The following DNAH8 variants were observed in gnomAD, a reference collection of about 807,000 sequenced individuals.
The protein encoded by DNAH8 is dynein axonemal heavy chain 8.
Under a neutral mutation model 562.1 loss-of-function variants are expected in DNAH8, and 382 were observed. The observed-to-expected ratio is 0.68, with a 90% CI of 0.63 to 0.74. DNAH8 has a LOEUF of 0.74. DNAH8 is among the 30% of genes least tolerant of loss of function. The probability of loss-of-function intolerance (pLI) is 0.00; values close to 1 mark genes in which losing one functional copy is unlikely to be tolerated. For synonymous variants in DNAH8, 1,881 were observed against 1,919.4 expected (o/e 0.98, Z 0.52); for missense variants, 5,203 against 5,620.4 (o/e 0.93, Z 2.37).
intron 33 of DNAH8, among the ~76,000 whole-genome samples, chr6:38,841,455 CT>C (rs1209434664): frequency 6.6e-6 from 1 of 152,070 alleles, no homozygotes; most frequent in Admixed American, 6.6e-5. Context: ...GATAGAACGA[CT>C]TTTACTTCAT....
rs182305102 is a variant in DNAH8 at position 38,843,185 on chromosome 6, T to A, written c.4845+282T>A. Among the ~76,000 whole-genome samples the A allele has an allele frequency of 1.1e-4, 17 of 152,274 alleles. 1 individual carries two copies. The highest frequency in any genetic ancestry group is 3.9e-4 in the Admixed American group (6 of 15,298). On this transcript the variant is annotated intron_variant, in intron 35 of 92. Transcript: ENST00000327475. ...AGAATGCACTTCCACTTAAAAAAAA[T>A]TTGTTTATTTATGTATTGTGTTCTT...
At chr6:39,027,384 G>T (rs1415543494) in intron 92 of DNAH8, among the ~76,000 whole-genome samples, 1 of 152,250 alleles carries the variant, frequency 6.6e-6, no homozygotes, top group Admixed American at 6.5e-5. Context: ...AGTTCCAGGG[G>T]TGTCCCCTTT....
chr6:38,907,977 G>C lies in DNAH8; in HGVS notation c.9370G>C (p.Asp3124His). Residue 3124 changes from aspartate (D) to histidine (H), a missense_variant, in exon 64 of 93, where the codon GAT becomes CAT. Physicochemically the swap from Asp to His is moderately conservative, Grantham distance 81. Transcript: ENST00000327475. ...SGEISNLFAR[D>H]EMDEITQGLI... The stretch of plus-strand genomic sequence containing the variant: ...AAAGATCTCCAACTTGTTTGCACGA[G>C]ATGAGATGGATGAAATCACCCAAGG... The C allele has an allele frequency of 6.2e-7, 1 of 1,607,124 alleles. No individual in the cohort carries two copies. The highest frequency in any genetic ancestry group is 8.5e-7 in the Non-Finnish European group (1 of 1,177,598).
intron 13 of DNAH8, 65 bp downstream of exon 13, chr6:38,776,016 T>A: frequency 6.1e-6 from 6 of 988,522 alleles, no homozygotes; most frequent in Non-Finnish European, 9.4e-6. Context: ...TATCTGGTAC[T>A]TTTTGTAAAT....
Position 38,937,958 on chromosome 6 carries a change from C to T in DNAH8, c.11564-16C>T, listed in dbSNP as rs1176152314. 6.2e-7 allele frequency: 1 copy of T among 1,611,996 alleles called. No homozygotes were observed. The highest frequency in any genetic ancestry group is 1.7e-5 in the Admixed American group (1 of 59,922). On this transcript the variant is annotated splice_polypyrimidine_tract_variant and intron_variant, in intron 77 of 92. Transcript: ENST00000327475. ...TCCCGTCTTGTGTACTACGGTTTTC[C>T]TGTTTTGAATTTCAGGCTCATTGGT...
rs1361202447 is a variant in DNAH8 at position 38,866,786 on chromosome 6, A to C, written c.6603A>C (p.Lys2201Asn). The C allele has an allele frequency of 6.2e-7, 1 of 1,612,638 alleles. No homozygotes were observed. ...ATTTTCAGATCATTATGAGAGTTAA[A>C]CTTGCAAGCTGTGGTTTTCTTGAAA... ...VPDRQIIMRV[K>N]LASCGFLENV... The change falls in exon 47 of 93, where the codon AAA (lysine) becomes AAC (asparagine). Residue 2201 changes from lysine (K) to asparagine (N), a missense_variant. By Grantham distance (94) the Lys-to-Asn change is moderately conservative (BLOSUM62 0). Coordinates refer to ENST00000327475, the MANE Select transcript of DNAH8 (RefSeq NM_001206927.2).
Position 38,814,093 on chromosome 6 carries a change from T to G in DNAH8, c.3297T>G (p.Phe1099Leu). Residue 1099 changes from phenylalanine to leucine, a missense_variant, in exon 25 of 93, where the codon TTT becomes TTG. Around this residue, in one of 6 missense-constraint regions of DNAH8, gnomAD observed 2,176 missense variants for 2,365.1 expected, o/e 0.92. Coordinates refer to ENST00000327475, the MANE Select transcript of DNAH8 (RefSeq NM_001206927.2). The stretch of plus-strand genomic sequence containing the variant: ...AGCAGTCAGAAGATATTATTTCCTT[T>G]ATAAAAAGTGAAGTACATCTTGCAA... ...GRKQSEDIIS[F>L]IKSEVHLAIP... is the part of the protein sequence containing the mutation. 1.3e-6 allele frequency: 2 copies of G among 1,586,814 alleles called. No homozygotes were observed. The highest frequency in any genetic ancestry group is 1.7e-6 in the Non-Finnish European group (2 of 1,157,028).
At chr6:38,864,176 C>A in intron 45 of DNAH8, 116 bp downstream of exon 45, 1 of 881,058 alleles carries the variant, frequency 1.1e-6, no homozygotes, top group Non-Finnish European at 1.7e-6. Context: ...AAGCTGTTCT[C>A]TCTTACCATA....
chr6:38,829,036 T>C (rs1773606566), intron 30 of DNAH8, among the ~76,000 whole-genome samples: 1 of 152,198 alleles, frequency 6.6e-6, no homozygotes, highest in African/African-American at 2.4e-5. Context: ...TTTTCAAAGT[T>C]CATCCATATT....
At chr6:38,854,876 A>G (rs1486282049) in intron 41 of DNAH8, among the ~76,000 whole-genome samples, 1 of 149,442 alleles carries the variant, frequency 6.7e-6, no homozygotes, top group Non-Finnish European at 1.5e-5. Context: ...AATACTTTGT[A>G]TTTAATATAT....
intron 3 of DNAH8, among the ~76,000 whole-genome samples, chr6:38,725,688 A>G (rs972394519): frequency 3.3e-5 from 5 of 152,190 alleles, no homozygotes; most frequent in Non-Finnish European, 5.9e-5. Context: ...GGCTGGCTTC[A>G]TGGATATATT....
chr6:39,030,516 T>C lies in DNAH8; in HGVS notation c.*124T>C. On this transcript the variant is annotated 3_prime_UTR_variant, in exon 93 of 93. Transcript: ENST00000327475. ...TAATTACTCTTTCTACATTAAAAAG[T>C]TGATGTTCTAAAATTGCTAGTGCGT... 1.2e-6 allele frequency: 1 copy of C among 867,518 alleles called. No individual in the cohort carries two copies. The highest frequency in any genetic ancestry group is 2.9e-5 in the Admixed American group (1 of 34,540). The allele number at this position is 867,518 out of a possible 1,614,324, so 53.7% of individuals were successfully genotyped here.
intron 92 of DNAH8, among the ~76,000 whole-genome samples, 183 bp downstream of exon 92, chr6:39,026,850 A>G (rs960511467): frequency 1.3e-5 from 2 of 152,238 alleles, no homozygotes; most frequent in African/African-American, 4.8e-5. Context: ...TGGAAGATTA[A>G]TGACAAGGTC....
At chr6:39,025,511 T>G (rs897203018) in intron 91 of DNAH8, among the ~76,000 whole-genome samples, 2 of 152,214 alleles carry the variant, frequency 1.3e-5, no homozygotes, top group East Asian at 3.9e-4. Flanking sequence ...CATTTAATAA[T>G]GGGGAGAACT....
intron 87 of DNAH8, among the ~76,000 whole-genome samples, chr6:38,986,171 C>G (rs1055106580): frequency 1.3e-5 from 2 of 152,068 alleles, no homozygotes; most frequent in African/African-American, 4.8e-5. Context: ...TTATTCATAG[C>G]ATTGTTGGTG....
chr6:38,950,571 C>T (rs1414640350), intron 81 of DNAH8, among the ~76,000 whole-genome samples: 1 of 151,740 alleles, frequency 6.6e-6, no homozygotes, highest in Non-Finnish European at 1.5e-5. Context: ...TCCTGAGTAG[C>T]TGGGACTACA....
Position 38,868,195 on chromosome 6 carries a change from T to C in DNAH8, c.6827T>C (p.Leu2276Pro). 6.2e-7 allele frequency: 1 copy of C among 1,600,460 alleles called. No individual in the cohort carries two copies. The highest frequency in any genetic ancestry group is 8.5e-7 in the Non-Finnish European group (1 of 1,176,324). ...CTAAGAGATATGAACCTTTCCAAAC[T>C]GGTATCTTCTCTGAATTCTCTTCTT... is the stretch of plus-strand genomic sequence containing the variant. ...RGLRDMNLSK[L>P]VDEDEPLFLS... The change falls in exon 48 of 93, where the codon CTG (leucine) becomes CCG (proline). Residue 2276 changes from leucine to proline, a missense_variant and splice_region_variant. This residue lies in a region of DNAH8 where 2,176 missense variants were observed against 2,365.1 expected (regional missense o/e 0.92). Transcript: ENST00000327475.
intron 91 of DNAH8, among the ~76,000 whole-genome samples, chr6:39,025,562 AAC>A (rs1302683732): frequency 3.3e-5 from 5 of 152,122 alleles, no homozygotes; most frequent in Non-Finnish European, 7.3e-5. Context: ...CTTTCTTTCC[AAC>A]TCCAAGGGAT....
chr6:38,915,111 A>T, intron 67 of DNAH8, 90 bp from the exon 68 acceptor site: 1 of 1,112,918 alleles, frequency 9.0e-7, no homozygotes. Context: ...GTTTTATATT[A>T]TGTTGAATAA....
Sources: gnomAD v4.1 joint callset for allele counts (sites outside exome capture counted in the v4.1 genomes callset) on GRCh38, gnomAD v4.1.1 for gene constraint, gnomAD v4.1.1 regional missense constraint, MANE v1.5 for transcripts, NCBI Gene and HGNC (gene_info 2026-07-23, HGNC 2026-07-21) for gene names.